The following MRPL54 variants were observed in gnomAD, a reference collection of about 807,000 sequenced individuals.
MRPL54 encodes mitochondrial ribosomal protein L54.
A neutral mutation model predicts 15.6 loss-of-function variants in MRPL54; 12 were observed. The ratio of observed to expected loss-of-function variants is 0.77; its 90% CI spans 0.49 to 1.24. MRPL54 has a LOEUF of 1.24. Among genes scored for constraint, MRPL54 ranks in the 50% most tolerant of loss-of-function variants. The probability of loss-of-function intolerance (pLI) is 0.00; values close to 1 mark genes in which losing one functional copy is unlikely to be tolerated. For synonymous variants in MRPL54, 91 were observed against 75.7 expected (o/e 1.20, Z -1.05); for missense variants, 178 against 186.8 (o/e 0.95, Z 0.28).
chr19:3,765,355 C>A lies in MRPL54; in HGVS notation c.284+24C>A, dbSNP rs1212107652. 11 of 1,610,448 alleles carry A rather than the reference C, an allele frequency of 6.8e-6. 1 individual carries two copies. The Admixed American group carries it at 1.7e-4, about 25-fold the overall frequency. The stretch of plus-strand genomic sequence containing the variant: ...TGGTGAGTAGGCCAGGCTGTGTCAT[C>A]CTGCAATGACTATTCCTTCCTCCGC... On this transcript the variant is annotated intron_variant, in intron 2 of 2. Transcript: ENST00000330133.
intron 2 of MRPL54, 97 bp downstream of exon 2, chr19:3,765,428 G>A: frequency 1.4e-6 from 2 of 1,386,928 alleles, no homozygotes; most frequent in Admixed American, 2.1e-5. Context: ...TCCAGCCGGA[G>A]CCTAATAGTC....
chr19:3,765,947 T>C (rs1172459231), intron 2 of MRPL54, among the ~76,000 whole-genome samples: 28 of 151,520 alleles, frequency 1.8e-4, no homozygotes, highest in Admixed American at 1.8e-3. Flanking sequence ...AGTCTTGCTC[T>C]GTCACCCAGT....
At chr19:3,764,061 C>T (rs928152866) in intron 1 of MRPL54, among the ~76,000 whole-genome samples, 4 of 152,206 alleles carry the variant, frequency 2.6e-5, no homozygotes, top group African/African-American at 9.6e-5. Context: ...CCCCTGCCCT[C>T]CAGCCTGGGC....
chr19:3,763,092 C>CGCAGGCGCGG (rs1348193320), intron 1 of MRPL54, among the ~76,000 whole-genome samples: 1 of 152,126 alleles, frequency 6.6e-6, no homozygotes, highest in African/African-American at 2.4e-5. Context: ...GGAGACCACG[C>CGCAGGCGCGG]GTTTCACTGC....
At chr19:3,766,198 C>T (rs1436616311) in intron 2 of MRPL54, among the ~76,000 whole-genome samples, 6 of 152,008 alleles carry the variant, frequency 3.9e-5, no homozygotes, top group Non-Finnish European at 8.8e-5. Context: ...CTGCCTCAGC[C>T]TCCCGAGTAG....
chr19:3,762,766 A>G lies in MRPL54; in HGVS notation c.66A>G (p.Leu22=), dbSNP rs559988185. The change falls in exon 1 of 3, where the codon CTA becomes CTG. Residue 22 remains leucine, a synonymous_variant. Coordinates refer to ENST00000330133, the MANE Select transcript of MRPL54 (RefSeq NM_172251.3). ...TWAGWGAWEL[L]NPATSGRLLA... ...CCGGCTGGGGGGCCTGGGAGCTCCT[A>G]AACCCCGCCACTTCCGGAAGACTCC... The G allele has an allele frequency of 2.7e-4, 437 of 1,607,732 alleles. 3 individuals carry two copies. The South Asian group carries it at 3.5e-3, about 13-fold the overall frequency.
In MRPL54 at chr19:3,762,736, G is replaced by T; in HGVS notation, c.36G>T (p.Thr12=). The T allele has an allele frequency of 3.7e-6, 6 of 1,611,422 alleles. No homozygotes were observed. Among genetic ancestry groups the T allele is most frequent in the Non-Finnish European group, 5.1e-6 (6 of 1,178,980 alleles). ...ATKRLFGATR[T]WAGWGAWELL... is the part of the protein sequence containing the mutation. The stretch of plus-strand genomic sequence containing the variant: ...AACGCCTTTTCGGGGCTACCCGGAC[G>T]TGGGCCGGCTGGGGGGCCTGGGAGC... Residue 12 remains threonine, a synonymous_variant, in exon 1 of 3, where the codon ACG becomes ACT. Transcript: ENST00000330133.
Position 3,767,423 on chromosome 19 carries a change from CGCCGAGGGCTTGCCGTTTTCCCGGAG to C in MRPL54, c.*32_*57del. On this transcript the variant is annotated 3_prime_UTR_variant, in exon 3 of 3. Coordinates refer to ENST00000330133, the MANE Select transcript of MRPL54 (RefSeq NM_172251.3). Reference sequence around the variant, plus strand: ...GAGGGCCCGGCATCGCTGACCCCCACGCCGAGGGCTTGCCGTTTTCCCGGAGGACGTGGACTTTTGTGAGACAAGAG... The same window carrying C: ...GAGGGCCCGGCATCGCTGACCCCCACGACGTGGACTTTTGTGAGACAAGAG... 6.3e-7 allele frequency: 1 copy of C among 1,596,744 alleles called. No homozygotes were observed. The highest frequency in any genetic ancestry group is 2.3e-5 in the East Asian group (1 of 43,702).
chr19:3,765,598 T>TA (rs772801702), intron 2 of MRPL54, among the ~76,000 whole-genome samples: 5 of 152,020 alleles, frequency 3.3e-5, no homozygotes, highest in African/African-American at 7.2e-5. Flanking sequence ...AGCAAATACT[T>TA]AAAAAAAATT....
chr19:3,763,490 C>T (rs1411435379), intron 1 of MRPL54, among the ~76,000 whole-genome samples: 1 of 152,116 alleles, frequency 6.6e-6, no homozygotes, highest in Admixed American at 6.5e-5. Flanking sequence ...AAAGTGATTT[C>T]GAGGCCAGGC....
At chr19:3,764,473 T>C (rs2037179086) in intron 1 of MRPL54, among the ~76,000 whole-genome samples, 1 of 151,398 alleles carries the variant, frequency 6.6e-6, no homozygotes, top group Non-Finnish European at 1.5e-5. Context: ...AGCGATGCGA[T>C]CTCAGCTCAC....
At position 3,765,297 on chromosome 19, in the gene MRPL54, G is replaced by A. The variant is rs139204143; in HGVS notation, c.250G>A (p.Val84Ile). 2.0e-5 allele frequency: 33 copies of A among 1,613,854 alleles called. No homozygotes were observed. The African/African-American group carries it at 3.6e-4, about 18-fold the overall frequency. The change falls in exon 2 of 3, where the codon GTA becomes ATA. Residue 84 changes from valine (V) to isoleucine (I), a missense_variant. Coordinates refer to ENST00000330133, the MANE Select transcript of MRPL54 (RefSeq NM_172251.3). The part of the protein sequence containing the change: ...GVNIYKEGQD[V>I]PLKPDAEYPE... ...CAACATCTACAAGGAAGGGCAGGAT[G>A]TACCCCTGAAACCGGATGCTGAGTA...
intron 1 of MRPL54, 132 bp from the exon 2 acceptor site, chr19:3,765,034 A>G (rs2037185679): frequency 1.0e-6 from 1 of 989,308 alleles, no homozygotes; most frequent in East Asian, 2.8e-5. Flanking sequence ...CTCAAAAAAA[A>G]AAAAAAAGAA....
In MRPL54 at chr19:3,765,342, C is replaced by A. The variant is rs746528424; in HGVS notation, c.284+11C>A. ...TGAGTACCCTGAATGGTGAGTAGGC[C>A]AGGCTGTGTCATCCTGCAATGACTA... is the stretch of plus-strand genomic sequence containing the variant. On this transcript the variant is annotated intron_variant, in intron 2 of 2. Coordinates refer to ENST00000330133, the MANE Select transcript of MRPL54 (RefSeq NM_172251.3). 1 of 1,612,294 alleles carries A rather than the reference C, an allele frequency of 6.2e-7. No homozygotes were observed. Among genetic ancestry groups the A allele is most frequent in the African/African-American group, 1.3e-5 (1 of 74,816 alleles).
At chr19:3,762,943 C>T (rs568976716) in intron 1 of MRPL54, 125 bp downstream of exon 1, 2 of 806,866 alleles carry the variant, frequency 2.5e-6, no homozygotes, top group Non-Finnish European at 3.8e-6. Flanking sequence ...GGATGCCAGG[C>T]TGTATGCGCA....
intron 2 of MRPL54, among the ~76,000 whole-genome samples, chr19:3,766,533 C>G (rs553110035): frequency 3.2e-4 from 49 of 152,360 alleles, no homozygotes; most frequent in African/African-American, 1.2e-3. Context: ...TTATTGACCA[C>G]TGACTGCATG....
intron 1 of MRPL54, among the ~76,000 whole-genome samples, chr19:3,763,207 C>T (rs57610322): frequency 0.035 from 5,330 of 152,292 alleles, 462 homozygotes; most frequent in East Asian, 0.3. Context: ...TAACCTTGGC[C>T]AAGACGTTAC....
At chr19:3,765,041 A>AT in intron 1 of MRPL54, 125 bp from the exon 2 acceptor site, 5 of 973,014 alleles carry the variant, frequency 5.1e-6, no homozygotes, top group Non-Finnish European at 7.3e-6. Context: ...AAAAAAAAAA[A>AT]GAAAGTTTTG....
chr19:3,765,424 C>A, intron 2 of MRPL54, 93 bp downstream of exon 2: 2 of 1,426,230 alleles, frequency 1.4e-6, no homozygotes, highest in South Asian at 1.2e-5. Context: ...CCACTCCAGC[C>A]GGAGCCTAAT....
Sources: gnomAD v4.1 joint callset for allele counts (sites outside exome capture counted in the v4.1 genomes callset) on GRCh38, gnomAD v4.1.1 for gene constraint, MANE v1.5 for transcripts, NCBI Gene and HGNC (gene_info 2026-07-23, HGNC 2026-07-21) for gene names.